Variants in EYA2 observed in about 807,000 individuals in gnomAD.
EYA2 encodes protein phosphatase EYA2.
In EYA2, 31 loss-of-function variants were observed where a neutral mutation model predicts 69.2. The observed-to-expected ratio is 0.45, with a 90% CI of 0.34 to 0.60. The LOEUF (loss-of-function observed/expected upper bound fraction) is 0.60, where lower values mean the gene tolerates loss of function less well. EYA2 is among the 20% of genes least tolerant of loss of function. The pLI, the probability that EYA2 is intolerant of heterozygous loss-of-function variation, is 0.02. For synonymous variants in EYA2, 257 were observed against 279.4 expected, an observed-to-expected ratio of 0.92 and a Z score of 0.80; for missense variants, 622 against 701.2, an observed-to-expected ratio of 0.89 and a Z score of 1.28.
chr20:46,976,750 T>C (rs1980490954), intron 1 of EYA2, among the ~76,000 whole-genome samples: 1 of 152,126 alleles, frequency 6.6e-6, no homozygotes, highest in Admixed American at 6.5e-5. Context: ...GATGAAGACA[T>C]GGGACATTCC....
intron 1 of EYA2, among the ~76,000 whole-genome samples, chr20:46,972,031 C>A (rs1023074863): frequency 6.6e-6 from 1 of 152,146 alleles, no homozygotes; most frequent in Non-Finnish European, 1.5e-5. Context: ...AAAACACAAT[C>A]ATGGGATAGG....
At chr20:47,143,268 T>C (rs1298905890) in intron 10 of EYA2, 120 bp downstream of exon 10, 3 of 951,852 alleles carry the variant, frequency 3.2e-6, no homozygotes, top group East Asian at 2.8e-5. Flanking sequence ...CTTTTTCTTT[T>C]AGAAGCTTGA....
chr20:46,951,072 C>T (rs1022608340), intron 1 of EYA2, among the ~76,000 whole-genome samples: 5 of 152,076 alleles, frequency 3.3e-5, no homozygotes, highest in Non-Finnish European at 7.4e-5. Context: ...CACTTGCTGC[C>T]GTTTGGAAGT....
At chr20:47,010,708 TATA>T (rs781662901) in intron 4 of EYA2, among the ~76,000 whole-genome samples, 6 of 149,948 alleles carry the variant, frequency 4.0e-5, no homozygotes, top group Non-Finnish European at 7.4e-5. Context: ...CAAATATAAA[TATA>T]ATATATATAA....
intron 1 of EYA2, among the ~76,000 whole-genome samples, chr20:46,909,358 G>A (rs1364172198): frequency 1.3e-5 from 2 of 152,102 alleles, no homozygotes; most frequent in African/African-American, 2.4e-5. Context: ...GGGGGTGCAG[G>A]TGGGAGGCAG....
At chr20:46,908,037 A>C (rs1054431002) in intron 1 of EYA2, among the ~76,000 whole-genome samples, 1 of 152,152 alleles carries the variant, frequency 6.6e-6, no homozygotes, top group African/African-American at 2.4e-5. Context: ...TGGGTTTTCC[A>C]TTCACCATTC....
intron 9 of EYA2, among the ~76,000 whole-genome samples, chr20:47,098,090 A>G (rs1357220134): frequency 1.4e-4 from 21 of 152,192 alleles, no homozygotes; most frequent in Admixed American, 1.4e-3. Flanking sequence ...AACAAGCTGG[A>G]TGTGTAATTA....
At chr20:46,948,666 G>T (rs1978619340) in intron 1 of EYA2, among the ~76,000 whole-genome samples, 1 of 152,112 alleles carries the variant, frequency 6.6e-6, no homozygotes, top group African/African-American at 2.4e-5. Flanking sequence ...ATACGTTATT[G>T]TGTTTCTCTC....
At chr20:47,090,737 A>G (rs1289959844) in intron 8 of EYA2, among the ~76,000 whole-genome samples, 1 of 152,156 alleles carries the variant, frequency 6.6e-6, no homozygotes, top group Non-Finnish European at 1.5e-5. Context: ...TGTTAACTCT[A>G]ATTCTTGTGT....
At chr20:47,023,632 G>GTTTTTTTTTT (rs60939329) in intron 5 of EYA2, among the ~76,000 whole-genome samples, 7 of 90,116 alleles carry the variant, frequency 7.8e-5, no homozygotes, top group Admixed American at 1.3e-4. Flanking sequence ...GATTTTGGGT[G>GTTTTTTTTTT]TTTTTTTTTT....
intron 5 of EYA2, among the ~76,000 whole-genome samples, chr20:47,067,982 A>G (rs1284481300): frequency 3.3e-5 from 5 of 152,210 alleles, no homozygotes; most frequent in African/African-American, 4.8e-5. Context: ...CTGATGAGAA[A>G]TCTGCTGTCA....
At chr20:47,110,081 C>T (rs2146538851) in intron 9 of EYA2, among the ~76,000 whole-genome samples, 1 of 152,214 alleles carries the variant, frequency 6.6e-6, no homozygotes, top group Non-Finnish European at 1.5e-5. Context: ...GCTTTACACC[C>T]TCTCTCTCAT....
At chr20:47,074,050 A>G (rs2031416370) in intron 6 of EYA2, 108 bp from the exon 7 acceptor site, 3 of 1,087,536 alleles carry the variant, frequency 2.8e-6, no homozygotes, top group Non-Finnish European at 2.5e-6. Context: ...GTTTCTGCCC[A>G]CAGAGAGCTT....
chr20:47,097,209 C>A, intron 9 of EYA2, 41 bp downstream of exon 9: 1 of 1,479,540 alleles, frequency 6.8e-7, no homozygotes. Context: ...TTTTTGTTTT[C>A]AACGTTATTG....
intron 1 of EYA2, among the ~76,000 whole-genome samples, chr20:46,953,187 ACATATTCTAATTCGTTT>A (rs1978907313): frequency 6.6e-6 from 1 of 152,206 alleles, no homozygotes; most frequent in African/African-American, 2.4e-5. Flanking sequence ...CTGATGCTTT[ACATATTCTAATTCGTTT>A]CATCTTCATG....
chr20:46,922,495 A>G (rs186243978), intron 1 of EYA2, among the ~76,000 whole-genome samples: 2 of 152,366 alleles, frequency 1.3e-5, no homozygotes, highest in Admixed American at 1.3e-4. Context: ...TAACAACAGC[A>G]GGCTTCCATC....
chr20:46,986,099 A>G (rs1981162118), intron 1 of EYA2, among the ~76,000 whole-genome samples: 2 of 152,002 alleles, frequency 1.3e-5, no homozygotes, highest in South Asian at 4.1e-4. Flanking sequence ...TACAATGTCT[A>G]CCATTTGCTA....
chr20:47,028,703 C>G (rs1194544638), intron 5 of EYA2, among the ~76,000 whole-genome samples: 3 of 152,206 alleles, frequency 2.0e-5, no homozygotes, highest in African/African-American at 7.2e-5. Context: ...CTGTAAAGCT[C>G]TAGGACACAG....
intron 4 of EYA2, among the ~76,000 whole-genome samples, chr20:47,010,196 A>G (rs1982971300): frequency 6.6e-6 from 1 of 152,080 alleles, no homozygotes; most frequent in African/African-American, 2.4e-5. Flanking sequence ...ATGGCAAAGA[A>G]TTTTCATTGT....
Sources: gnomAD v4.1 joint callset for allele counts (sites outside exome capture counted in the v4.1 genomes callset) on GRCh38, gnomAD v4.1.1 for gene constraint, MANE v1.5 for transcripts, NCBI Gene and HGNC (gene_info 2026-07-23, HGNC 2026-07-21) for gene names.